Variants in CXADR observed in about 807,000 individuals in gnomAD.
The protein encoded by CXADR is coxsackievirus and adenovirus receptor.
A neutral mutation model predicts 40.3 loss-of-function variants in CXADR; 20 were observed. The observed-to-expected ratio is 0.50, with a 90% CI of 0.35 to 0.72. CXADR has a LOEUF of 0.72. Ranked by LOEUF, CXADR falls within the 30% of genes least tolerant of loss-of-function variation. CXADR has a pLI of 0.01. For missense variants in CXADR, 332 were observed against 449.1 expected, an observed-to-expected ratio of 0.74 and a Z score of 2.36; for synonymous variants, 150 against 161.3, an observed-to-expected ratio of 0.93 and a Z score of 0.53.
intron 7 of CXADR, among the ~76,000 whole-genome samples, chr21:17,577,597 A>G (rs373092257): frequency 7.2e-6 from 1 of 138,014 alleles, no homozygotes; most frequent in African/African-American, 2.7e-5. Flanking sequence ...CTCACACGTC[A>G]GACCATTCTG....
chr21:17,609,605 C>T, the CXADR span, among the ~76,000 whole-genome samples: 1 of 152,152 alleles, frequency 6.6e-6, no homozygotes, highest in Non-Finnish European at 1.5e-5. Context: ...CAGAAAAGTT[C>T]GGCAGTTCCT....
chr21:17,579,179 A>G (rs527316366), intron 7 of CXADR, among the ~76,000 whole-genome samples: 2 of 152,352 alleles, frequency 1.3e-5, no homozygotes, highest in Non-Finnish European at 2.9e-5. Flanking sequence ...CCAAGATAAA[A>G]TGAAGAACTT....
chr21:17,536,083 T>G (rs1304994261), intron 1 of CXADR, among the ~76,000 whole-genome samples: 1 of 152,234 alleles, frequency 6.6e-6, no homozygotes, highest in Non-Finnish European at 1.5e-5. Context: ...TGGCGCCAGA[T>G]ATTTCGAGAA....
chr21:17,541,748 T>C (rs972664265), intron 1 of CXADR, among the ~76,000 whole-genome samples: 2 of 152,158 alleles, frequency 1.3e-5, no homozygotes, highest in African/African-American at 4.8e-5. Flanking sequence ...TTTTCATGGC[T>C]AGAGTATGCA....
At chr21:17,529,220 A>G (rs1191058444) in intron 1 of CXADR, among the ~76,000 whole-genome samples, 1 of 151,154 alleles carries the variant, frequency 6.6e-6, no homozygotes, top group Non-Finnish European at 1.5e-5. Flanking sequence ...TGTAGTAGAG[A>G]CGTGGTTTCA....
At chr21:17,558,888 T>A (rs748673140) in intron 3 of CXADR, 88 bp from the exon 4 acceptor site, 112 of 1,335,954 alleles carry the variant, frequency 8.4e-5, no homozygotes, top group Non-Finnish European at 1.1e-4. Context: ...AACCAACTGA[T>A]AATGAGTCAG....
the CXADR span, among the ~76,000 whole-genome samples, chr21:17,625,441 C>T: frequency 6.6e-6 from 1 of 152,058 alleles, no homozygotes; most frequent in African/African-American, 2.4e-5. Flanking sequence ...TTGATCATTA[C>T]ACATTTTATA....
intron 1 of CXADR, among the ~76,000 whole-genome samples, chr21:17,538,547 T>C (rs1325986875): frequency 6.6e-6 from 1 of 152,180 alleles, no homozygotes; most frequent in Non-Finnish European, 1.5e-5. Flanking sequence ...GACCCATGCC[T>C]GTAATTCCAG....
At chr21:17,609,180 A>C in the CXADR span, 10 of 1,590,872 alleles carry the variant, frequency 6.3e-6, 1 homozygote, top group South Asian at 1.0e-4. Context: ...GTTTTCTCAG[A>C]AAAACAAAAT....
chr21:17,611,311 A>G, the CXADR span, among the ~76,000 whole-genome samples: 1 of 152,204 alleles, frequency 6.6e-6, no homozygotes, highest in Non-Finnish European at 1.5e-5. Flanking sequence ...GAATCTTTTA[A>G]CTAGATCTTT....
the CXADR span, among the ~76,000 whole-genome samples, chr21:17,617,395 A>G: frequency 6.6e-6 from 1 of 152,304 alleles, no homozygotes; most frequent in East Asian, 1.9e-4. Flanking sequence ...ATAAACTCCT[A>G]TCTTTATTTT....
downstream of CXADR, among the ~76,000 whole-genome samples, chr21:17,572,462 C>G (rs1252827758): frequency 6.6e-6 from 1 of 152,104 alleles, no homozygotes; most frequent in East Asian, 1.9e-4. Flanking sequence ...TTAACTTGCG[C>G]AAATACAGCA....
At chr21:17,600,976 A>G in the CXADR span, among the ~76,000 whole-genome samples, 1 of 152,204 alleles carries the variant, frequency 6.6e-6, no homozygotes. Context: ...AGCCTGGCCA[A>G]CATGGTGAAA....
At chr21:17,590,842 C>T (rs916456289) in intron 7 of CXADR, among the ~76,000 whole-genome samples, 1 of 152,016 alleles carries the variant, frequency 6.6e-6, no homozygotes, top group Non-Finnish European at 1.5e-5. Flanking sequence ...TTTGCTTTGT[C>T]ATCTCAGTCT....
chr21:17,616,647 G>A, the CXADR span, among the ~76,000 whole-genome samples: 1 of 152,080 alleles, frequency 6.6e-6, no homozygotes, highest in Non-Finnish European at 1.5e-5. Flanking sequence ...GCTATGTAGA[G>A]AAACTGGTAT....
the CXADR span, among the ~76,000 whole-genome samples, chr21:17,628,525 G>C: frequency 5.9e-5 from 9 of 152,010 alleles, no homozygotes; most frequent in African/African-American, 2.2e-4. Flanking sequence ...TTTTGAGACG[G>C]AGTCTCGCTC....
chr21:17,572,571 G>A (rs62239920), downstream of CXADR, among the ~76,000 whole-genome samples: 25,773 of 152,010 alleles, frequency 0.17, 2,429 homozygotes, highest in East Asian at 0.23. Flanking sequence ...ACGGATTCCC[G>A]CTGAATAGGT....
chr21:17,531,098 G>A (rs1394536580), intron 1 of CXADR, among the ~76,000 whole-genome samples: 1 of 152,114 alleles, frequency 6.6e-6, no homozygotes, highest in African/African-American at 2.4e-5. Context: ...AGGAGTTCAA[G>A]ACCAGACTGG....
Position 17,565,788 on chromosome 21 carries a change from A to G in CXADR, c.*96A>G. On this transcript the variant is annotated 3_prime_UTR_variant, in exon 7 of 7. Transcript: ENST00000284878. ...TCTAAATTGTGTTACTAGCCTCAAA[A>G]TACATCAAAAAATAAGTTAATCAGG... 1 of 1,483,432 alleles carries G rather than the reference A, an allele frequency of 6.7e-7. No homozygotes were observed. The highest frequency in any genetic ancestry group is 8.9e-7 in the Non-Finnish European group (1 of 1,119,554). The allele number at this position is 1,483,432 out of a possible 1,614,324, so 91.9% of individuals were successfully genotyped here.
Sources: allele counts gnomAD v4.1 joint callset (sites outside exome capture counted in the v4.1 genomes callset), GRCh38; gene constraint gnomAD v4.1.1; transcripts MANE v1.5; gene names NCBI Gene and HGNC (gene_info 2026-07-23, HGNC 2026-07-21).